SLC36A1: variants seen among roughly 807,000 people sequenced by gnomAD.
SLC36A1 encodes the protein solute carrier family 36 member 1.
SLC36A1 carries 30 observed loss-of-function variants against 47.5 expected under a neutral mutation model. That is an observed-to-expected ratio of 0.63 (90% CI 0.47 to 0.86). The LOEUF is 0.86. Among genes scored for constraint, SLC36A1 ranks in the 40% least tolerant of loss-of-function variants. The pLI, the probability that SLC36A1 is intolerant of heterozygous loss-of-function variation, is 0.00. For synonymous variants in SLC36A1, 255 were observed against 249.7 expected, an observed-to-expected ratio of 1.02 and a Z score of -0.20; for missense variants, 517 against 606.0, an observed-to-expected ratio of 0.85 and a Z score of 1.54.
At chr5:151,460,196 C>T (rs543438757) in intron 2 of SLC36A1, among the ~76,000 whole-genome samples, 1 of 152,206 alleles carries the variant, frequency 6.6e-6, no homozygotes, top group African/African-American at 2.4e-5. Context: ...GTGATGGCTT[C>T]CCTTCAGAGG....
the SLC36A1 span, among the ~76,000 whole-genome samples, chr5:151,416,178 T>A: frequency 6.6e-6 from 1 of 152,192 alleles, no homozygotes; most frequent in Non-Finnish European, 1.5e-5. Context: ...ACATGCTGCC[T>A]GGCATCCCCT....
chr5:151,468,297 TATATA>T (rs1756851753), intron 7 of SLC36A1, among the ~76,000 whole-genome samples: 2 of 57,310 alleles, frequency 3.5e-5, no homozygotes, highest in Non-Finnish European at 7.9e-5. Flanking sequence ...ATATATATTT[TATATA>T]TATATATTTA....
At chr5:151,405,945 T>C in the SLC36A1 span, among the ~76,000 whole-genome samples, 1 of 152,202 alleles carries the variant, frequency 6.6e-6, no homozygotes, top group African/African-American at 2.4e-5. Context: ...ACCCAGTAGA[T>C]AGTGCTTAAG....
At chr5:151,535,948 T>C in the SLC36A1 span, among the ~76,000 whole-genome samples, 1 of 151,864 alleles carries the variant, frequency 6.6e-6, no homozygotes, top group Non-Finnish European at 1.5e-5. Flanking sequence ...TTGAGAGAGG[T>C]TTTTCCGAAA....
chr5:151,496,923 C>T (rs1760361055), downstream of SLC36A1, among the ~76,000 whole-genome samples: 1 of 151,974 alleles, frequency 6.6e-6, no homozygotes, highest in Non-Finnish European at 1.5e-5. Flanking sequence ...TCTGTGTGTC[C>T]ATTGGTAGTA....
downstream of SLC36A1, among the ~76,000 whole-genome samples, chr5:151,497,045 C>T (rs1286395699): frequency 6.6e-6 from 1 of 152,106 alleles, no homozygotes; most frequent in African/African-American, 2.4e-5. Flanking sequence ...ATTTAGACAA[C>T]CATGTTGTCT....
chr5:151,493,762 C>T (rs1308258901), downstream of SLC36A1, among the ~76,000 whole-genome samples: 6 of 152,202 alleles, frequency 3.9e-5, no homozygotes, highest in African/African-American at 1.2e-4. Flanking sequence ...CTGAGTGCTT[C>T]CCAAGGCGCT....
At chr5:151,386,438 A>G in the SLC36A1 span, among the ~76,000 whole-genome samples, 7 of 152,196 alleles carry the variant, frequency 4.6e-5, no homozygotes, top group Non-Finnish European at 1.0e-4. Flanking sequence ...GGTTAATGTC[A>G]TATCCATCCT....
intron 8 of SLC36A1, among the ~76,000 whole-genome samples, chr5:151,475,446 T>A (rs542282377): frequency 1.3e-5 from 2 of 152,234 alleles, no homozygotes; most frequent in Non-Finnish European, 2.9e-5. Context: ...CACTGCTAGA[T>A]TGACTCTTAG....
At chr5:151,510,534 AG>A in the SLC36A1 span, 13 of 184,830 alleles carry the variant, frequency 7.0e-5, no homozygotes, top group East Asian at 1.5e-3. Context: ...CATCCTCATC[AG>A]GGGACAGGTA....
the SLC36A1 span, chr5:151,382,239 G>A: frequency 7.6e-7 from 1 of 1,321,246 alleles, no homozygotes; most frequent in Admixed American, 1.7e-5. Context: ...GTCACTCATC[G>A]AGACTCACTA....
chr5:151,374,414 C>A, the SLC36A1 span, among the ~76,000 whole-genome samples: 3 of 152,246 alleles, frequency 2.0e-5, 1 homozygote, highest in African/African-American at 7.2e-5. Context: ...AAGAACCTTT[C>A]AATGTGTATG....
At chr5:151,545,255 A>G in the SLC36A1 span, 1 of 1,614,142 alleles carries the variant, frequency 6.2e-7, no homozygotes, top group Non-Finnish European at 8.5e-7. Flanking sequence ...ACTTGGGTCA[A>G]AGAAATTTTT....
the SLC36A1 span, among the ~76,000 whole-genome samples, chr5:151,427,778 G>A: frequency 6.6e-6 from 1 of 152,164 alleles, no homozygotes; most frequent in Non-Finnish European, 1.5e-5. Flanking sequence ...TCCAACATAA[G>A]GCGAGCTCCC....
the SLC36A1 span, chr5:151,505,757 T>G: frequency 2.5e-6 from 4 of 1,612,100 alleles, no homozygotes; most frequent in Non-Finnish European, 3.4e-6. Flanking sequence ...GGCAGGGCCC[T>G]CCCCCTCCCT....
chr5:151,394,629 C>T, the SLC36A1 span, among the ~76,000 whole-genome samples: 2 of 152,178 alleles, frequency 1.3e-5, no homozygotes, highest in Non-Finnish European at 2.9e-5. Flanking sequence ...CAGTCAGGAC[C>T]CTCATTTGCA....
At chr5:151,392,304 A>T in the SLC36A1 span, among the ~76,000 whole-genome samples, 1 of 151,914 alleles carries the variant, frequency 6.6e-6, no homozygotes, top group Non-Finnish European at 1.5e-5. Flanking sequence ...CATCTTTATT[A>T]GTCTTGCTAG....
At chr5:151,399,425 G>A in the SLC36A1 span, among the ~76,000 whole-genome samples, 3 of 152,108 alleles carry the variant, frequency 2.0e-5, no homozygotes, top group Non-Finnish European at 4.4e-5. Context: ...TTTGAGGGAT[G>A]TGTGTATTTT....
chr5:151,486,020 C>T lies in SLC36A1; in HGVS notation c.1160-1963C>T, dbSNP rs552598763. Among the ~76,000 whole-genome samples the T allele has an allele frequency of 2.6e-5, 4 of 152,220 alleles. No individual in the cohort carries two copies. The East Asian group carries it at 7.7e-4, about 29-fold the overall frequency. Reference sequence around the variant, plus strand: ...TCCATTCTTTCCCTGGTGTGTTAGTCCATTTGCGTTGTTATAAAGAAGCAC... The same window carrying T: ...TCCATTCTTTCCCTGGTGTGTTAGTTCATTTGCGTTGTTATAAAGAAGCAC... On this transcript the variant is annotated intron_variant, in intron 10 of 10. Coordinates refer to ENST00000243389, the MANE Select transcript of SLC36A1 (RefSeq NM_078483.4).
Sources: allele counts gnomAD v4.1 joint callset (sites outside exome capture counted in the v4.1 genomes callset), GRCh38; gene constraint gnomAD v4.1.1; transcripts MANE v1.5; gene names NCBI Gene and HGNC (gene_info 2026-07-23, HGNC 2026-07-21).